The following KCNK2 variants were observed in gnomAD, a reference collection of about 807,000 sequenced individuals.
KCNK2 encodes potassium channel subfamily K member 2.
In KCNK2, 21 loss-of-function variants were observed where a neutral mutation model predicts 40.5. The ratio of observed to expected loss-of-function variants is 0.52; its 90% CI spans 0.37 to 0.75. The LOEUF (loss-of-function observed/expected upper bound fraction) is 0.75, where lower values mean the gene tolerates loss of function less well. KCNK2 is among the 30% of genes least tolerant of loss of function. KCNK2 has a pLI of 0.00. For synonymous variants in KCNK2, 191 were observed against 202.2 expected (o/e 0.94, Z 0.47); for missense variants, 399 against 531.6 (o/e 0.75, Z 2.45).
intron 6 of KCNK2, among the ~76,000 whole-genome samples, chr1:215,224,518 C>CAGTT (rs1380742141): frequency 4.6e-5 from 7 of 152,082 alleles, no homozygotes; most frequent in Non-Finnish European, 1.0e-4. Flanking sequence ...CTTAGAAATG[C>CAGTT]AGTTAATAAA....
intron 6 of KCNK2, among the ~76,000 whole-genome samples, chr1:215,230,998 C>T (rs1467099976): frequency 1.3e-5 from 2 of 152,186 alleles, no homozygotes; most frequent in Admixed American, 6.5e-5. Context: ...TCCTAATTGG[C>T]AGGAATCACT....
chr1:215,108,990 GA>G (rs1286523811), intron 2 of KCNK2, among the ~76,000 whole-genome samples: 5 of 151,420 alleles, frequency 3.3e-5, no homozygotes, highest in Admixed American at 1.3e-4. Context: ...ATGTAAAAGT[GA>G]ATGAACTATA....
chr1:215,055,462 T>C (rs1241440477), intron 1 of KCNK2, among the ~76,000 whole-genome samples: 1 of 152,210 alleles, frequency 6.6e-6, no homozygotes, highest in East Asian at 1.9e-4. Context: ...TAGCTTCAAG[T>C]ACATTTACAT....
chr1:215,233,672 G>A (rs1467132736), intron 6 of KCNK2, among the ~76,000 whole-genome samples: 2 of 152,164 alleles, frequency 1.3e-5, no homozygotes, highest in South Asian at 2.1e-4. Context: ...GTAGTTGTTT[G>A]CTTGTGAAGC....
At chr1:215,077,781 C>G (rs149359476), upstream of KCNK2, among the ~76,000 whole-genome samples, 3 of 152,178 alleles carry the variant, frequency 2.0e-5, no homozygotes, top group Non-Finnish European at 4.4e-5. Flanking sequence ...ATGCTTTTCC[C>G]TTTCCACCCT....
At chr1:215,076,810 AT>A (rs1359659219) in intron 1 of KCNK2, among the ~76,000 whole-genome samples, 1 of 152,116 alleles carries the variant, frequency 6.6e-6, no homozygotes, top group Admixed American at 6.5e-5. Context: ...GAGCTGAGTT[AT>A]TTGTCATTTT....
chr1:215,096,377 G>A (rs965676851), intron 2 of KCNK2, among the ~76,000 whole-genome samples: 1 of 151,810 alleles, frequency 6.6e-6, no homozygotes, highest in Admixed American at 6.6e-5. Context: ...ATACACAATA[G>A]TTGTACATAT....
At chr1:215,180,844 G>A (rs757699888) in intron 5 of KCNK2, among the ~76,000 whole-genome samples, 4 of 152,110 alleles carry the variant, frequency 2.6e-5, no homozygotes, top group African/African-American at 7.2e-5. Flanking sequence ...CCTTGGTGAT[G>A]TTTGTTTTGT....
chr1:215,070,348 G>T (rs1019081555), intron 1 of KCNK2, among the ~76,000 whole-genome samples: 1 of 150,702 alleles, frequency 6.6e-6, no homozygotes, highest in Non-Finnish European at 1.5e-5. Context: ...TCTGGGAGGC[G>T]GAGCTTGCAG....
At chr1:215,026,281 G>A (rs1382759703) in intron 1 of KCNK2, among the ~76,000 whole-genome samples, 1 of 151,902 alleles carries the variant, frequency 6.6e-6, no homozygotes, top group Non-Finnish European at 1.5e-5. Flanking sequence ...TTGCAAACAT[G>A]TTTCCTACAT....
chr1:215,177,740 A>T (rs182770829), intron 5 of KCNK2, among the ~76,000 whole-genome samples: 17,068 of 101,662 alleles, frequency 0.17, 1,677 homozygotes, highest in South Asian at 0.39. Flanking sequence ...ATATATATAT[A>T]TTTTTTTTTT....
At chr1:215,104,220 C>A (rs2102554386) in intron 2 of KCNK2, among the ~76,000 whole-genome samples, 1 of 152,098 alleles carries the variant, frequency 6.6e-6, no homozygotes, top group Non-Finnish European at 1.5e-5. Context: ...AGAAAATAAA[C>A]AATTTGGTCA....
At chr1:215,024,048 A>G (rs1656908784) in intron 1 of KCNK2, among the ~76,000 whole-genome samples, 1 of 152,178 alleles carries the variant, frequency 6.6e-6, no homozygotes, top group Non-Finnish European at 1.5e-5. Flanking sequence ...GGCAGGAGAA[A>G]GGAAACATGG....
intron 2 of KCNK2, among the ~76,000 whole-genome samples, chr1:215,096,887 T>C (rs927988767): frequency 6.6e-6 from 1 of 151,982 alleles, no homozygotes; most frequent in Non-Finnish European, 1.5e-5. Flanking sequence ...TCCTAGGACA[T>C]GCAGTTTTCT....
At chr1:215,118,771 A>G (rs1661055996) in intron 2 of KCNK2, among the ~76,000 whole-genome samples, 1 of 152,142 alleles carries the variant, frequency 6.6e-6, no homozygotes, top group Non-Finnish European at 1.5e-5. Flanking sequence ...TTGGCATCGA[A>G]CCAGTTATAC....
chr1:215,193,899 G>A (rs1571714914), intron 5 of KCNK2, among the ~76,000 whole-genome samples: 1 of 152,194 alleles, frequency 6.6e-6, no homozygotes, highest in East Asian at 1.9e-4. Flanking sequence ...TTTCCACACT[G>A]TGCTATTCCA....
intron 6 of KCNK2, among the ~76,000 whole-genome samples, chr1:215,207,956 T>C (rs1227748406): frequency 6.6e-6 from 1 of 152,176 alleles, no homozygotes; most frequent in East Asian, 1.9e-4. Context: ...TGGAAAGCAG[T>C]GTGTGGCAAT....
At chr1:215,232,970 A>G (rs1666732433) in intron 6 of KCNK2, among the ~76,000 whole-genome samples, 1 of 152,238 alleles carries the variant, frequency 6.6e-6, no homozygotes, top group African/African-American at 2.4e-5. Flanking sequence ...TAGGAGCCAA[A>G]TCCGAATGAC....
upstream of KCNK2, among the ~76,000 whole-genome samples, chr1:215,079,233 T>C (rs1271531839): frequency 3.3e-5 from 5 of 152,190 alleles, no homozygotes; most frequent in Non-Finnish European, 5.9e-5. Context: ...GGCTTATATA[T>C]ATTGAGTGAA....
Sources: gnomAD v4.1 joint callset for allele counts (sites outside exome capture counted in the v4.1 genomes callset) on GRCh38, gnomAD v4.1.1 for gene constraint, MANE v1.5 for transcripts, NCBI Gene and HGNC (gene_info 2026-07-23, HGNC 2026-07-21) for gene names.